CDH13: variants seen among roughly 807,000 people sequenced by gnomAD.
The protein encoded by CDH13 is cadherin 13.
A neutral mutation model predicts 63.8 loss-of-function variants in CDH13; 24 were observed. That is an observed-to-expected ratio of 0.38 (90% confidence interval 0.27 to 0.53). CDH13 has a LOEUF of 0.53. CDH13 is among the 20% of genes least tolerant of loss of function. CDH13 has a pLI of 0.85. For synonymous variants in CDH13, 503 were observed against 355.3 expected (o/e 1.42, Z -4.67); for missense variants, 1,049 against 903.1 (o/e 1.16, Z -2.07).
chr16:83,350,811 T>C (rs1276097251), intron 6 of CDH13, among the ~76,000 whole-genome samples: 1 of 152,168 alleles, frequency 6.6e-6, no homozygotes, highest in Non-Finnish European at 1.5e-5. Flanking sequence ...TCTGAAGAGA[T>C]GATGTAGGGA....
chr16:83,116,506 C>G (rs1027213942), intron 3 of CDH13, among the ~76,000 whole-genome samples: 3 of 152,174 alleles, frequency 2.0e-5, no homozygotes, highest in Non-Finnish European at 4.4e-5. Flanking sequence ...TCTGTTTAGT[C>G]TTCACATCAG....
chr16:82,794,573 C>T (rs1261828376), intron 1 of CDH13, among the ~76,000 whole-genome samples: 4 of 151,914 alleles, frequency 2.6e-5, no homozygotes, highest in Non-Finnish European at 5.9e-5. Flanking sequence ...ATACCCCGCA[C>T]ATTTGGTTAA....
rs554432256 is a variant in CDH13 at position 83,035,903 on chromosome 16, A to T, written c.366+3685A>T. 1.9e-3 allele frequency among the ~76,000 whole-genome samples: 293 copies of T among 152,324 alleles called. 1 individual carries two copies. Among genetic ancestry groups the T allele is most frequent in the Middle Eastern group, 0.017 (5 of 294 alleles). ...CTCAGCTGATGCTACAGCAATGACC[A>T]ACACTGATGCTTACGTAATACTTAC... On this transcript the variant is annotated intron_variant, in intron 3 of 13. Coordinates refer to ENST00000567109, the MANE Select transcript of CDH13 (RefSeq NM_001257.5).
At chr16:83,472,471 G>A (rs561336943) in intron 6 of CDH13, among the ~76,000 whole-genome samples, 41 of 152,292 alleles carry the variant, frequency 2.7e-4, no homozygotes, top group African/African-American at 7.9e-4. Context: ...CCCTGAGGTC[G>A]GCCCCGGGAG....
chr16:82,929,864 G>C (rs1378821056), intron 2 of CDH13, among the ~76,000 whole-genome samples: 2 of 151,672 alleles, frequency 1.3e-5, no homozygotes, highest in African/African-American at 2.4e-5. Flanking sequence ...CCTGTAGAAA[G>C]GAGTAGTCAT....
intron 3 of CDH13, among the ~76,000 whole-genome samples, chr16:83,077,078 C>G (rs4132123): frequency 1.3e-5 from 2 of 148,896 alleles, no homozygotes; most frequent in Non-Finnish European, 3.0e-5. Context: ...TTCATTGGTT[C>G]TAGAATTTTA....
chr16:83,657,174 C>A (rs1195701677), intron 8 of CDH13, among the ~76,000 whole-genome samples: 1 of 152,168 alleles, frequency 6.6e-6, no homozygotes, highest in Non-Finnish European at 1.5e-5. Context: ...GGATCCAGCT[C>A]ATTGTAAAGA....
chr16:83,053,632 A>G (rs12103213), intron 3 of CDH13, among the ~76,000 whole-genome samples: 81 of 152,354 alleles, frequency 5.3e-4, no homozygotes, highest in African/African-American at 1.8e-3. Flanking sequence ...AAAAAGTAAG[A>G]AAATATATCC....
chr16:82,904,729 A>G (rs577611858), intron 2 of CDH13, among the ~76,000 whole-genome samples: 3 of 152,286 alleles, frequency 2.0e-5, no homozygotes, highest in African/African-American at 7.2e-5. Flanking sequence ...TAAGTGAAGC[A>G]GGTTTAACGG....
At chr16:83,336,171 C>T (rs1332890349) in intron 5 of CDH13, among the ~76,000 whole-genome samples, 1 of 151,774 alleles carries the variant, frequency 6.6e-6, no homozygotes, top group African/African-American at 2.4e-5. Flanking sequence ...GGTAGTGGTA[C>T]ATATCTGTAA....
At chr16:83,028,946 G>A (rs530698566) in intron 2 of CDH13, among the ~76,000 whole-genome samples, 1 of 152,242 alleles carries the variant, frequency 6.6e-6, no homozygotes, top group East Asian at 1.9e-4. Flanking sequence ...ATGGTCCAGG[G>A]TTCAAATCCT....
intron 11 of CDH13, among the ~76,000 whole-genome samples, chr16:83,766,909 T>C (rs926929756): frequency 1.3e-5 from 2 of 152,184 alleles, no homozygotes; most frequent in East Asian, 1.9e-4. Context: ...GCACTCACTC[T>C]GTGCTGCCAC....
intron 10 of CDH13, among the ~76,000 whole-genome samples, chr16:83,680,124 CA>C: frequency 6.6e-6 from 1 of 152,216 alleles, no homozygotes; most frequent in African/African-American, 2.4e-5. Context: ...CGAGATAGCA[CA>C]GGAGCTAGGG....
chr16:83,079,315 G>C (rs938992646), intron 3 of CDH13, among the ~76,000 whole-genome samples: 1 of 152,044 alleles, frequency 6.6e-6, no homozygotes, highest in African/African-American at 2.4e-5. Flanking sequence ...GCCTTCTATG[G>C]ATGGTTATTC....
At chr16:83,144,954 C>T (rs2036684490) in intron 4 of CDH13, among the ~76,000 whole-genome samples, 1 of 152,196 alleles carries the variant, frequency 6.6e-6, no homozygotes, top group African/African-American at 2.4e-5. Context: ...GCAAAAGGAA[C>T]ACGATTTCAC....
chr16:83,359,464 G>A (rs898629530), intron 6 of CDH13, among the ~76,000 whole-genome samples: 12 of 152,170 alleles, frequency 7.9e-5, no homozygotes, highest in African/African-American at 1.7e-4. Context: ...TCTTAGTGTC[G>A]TCACCCAGCA....
At chr16:83,608,754 C>G (rs903686950) in intron 8 of CDH13, among the ~76,000 whole-genome samples, 1 of 151,776 alleles carries the variant, frequency 6.6e-6, no homozygotes, top group East Asian at 1.9e-4. Context: ...GCAATCCACC[C>G]ACCTAAGCTT....
intron 7 of CDH13, among the ~76,000 whole-genome samples, chr16:83,531,604 C>T (rs2075085564): frequency 6.6e-6 from 1 of 152,166 alleles, no homozygotes; most frequent in Non-Finnish European, 1.5e-5. Context: ...TCTAAGTTGT[C>T]CCTAAATGTA....
At chr16:82,666,809 A>G (rs768388879) in intron 1 of CDH13, among the ~76,000 whole-genome samples, 4 of 152,200 alleles carry the variant, frequency 2.6e-5, no homozygotes, top group Non-Finnish European at 5.9e-5. Context: ...TAAAAGTAGA[A>G]CATTTAATCC....
Sources: allele counts gnomAD v4.1 joint callset (sites outside exome capture counted in the v4.1 genomes callset), GRCh38; gene constraint gnomAD v4.1.1; transcripts MANE v1.5; gene names NCBI Gene and HGNC (gene_info 2026-07-23, HGNC 2026-07-21).